The following DGKK variants were observed in gnomAD, a reference collection of about 807,000 sequenced individuals.
The protein encoded by DGKK is diacylglycerol kinase kappa.
DGKK carries 35 observed loss-of-function variants against 92.2 expected under a neutral mutation model. That is an observed-to-expected ratio of 0.38 (90% CI 0.29 to 0.50). DGKK has a LOEUF of 0.50. Among genes scored for constraint, DGKK ranks in the 20% least tolerant of loss-of-function variants. The pLI, the probability that DGKK is intolerant of heterozygous loss-of-function variation, is 0.92. For synonymous variants in DGKK, 368 were observed against 360.6 expected, an observed-to-expected ratio of 1.02 and a Z score of -0.23; for missense variants, 910 against 992.2, an observed-to-expected ratio of 0.92 and a Z score of 1.11.
At chrX:50,399,379 T>G (rs190290503) in intron 8 of DGKK, among the ~76,000 whole-genome samples, 1 of 112,202 alleles carries the variant, frequency 8.9e-6, no homozygotes, top group East Asian at 2.8e-4. Context: ...AACCATCTAC[T>G]CTTCTTTCTT....
chrX:50,438,024 G>T (rs1252197540), intron 1 of DGKK, among the ~76,000 whole-genome samples: 2 of 110,632 alleles, frequency 1.8e-5, no homozygotes, highest in African/African-American at 3.3e-5. Flanking sequence ...CAAAAAAAAA[G>T]CAAAACAGTG....
intron 4 of DGKK, among the ~76,000 whole-genome samples, chrX:50,405,415 A>T: frequency 9.0e-6 from 1 of 111,493 alleles, no homozygotes; most frequent in Middle Eastern, 4.6e-3. Flanking sequence ...GTTCAGACAT[A>T]GGCGTACACA....
At chrX:50,378,796 A>G (rs1924337058) in intron 20 of DGKK, 105 bp from the exon 21 acceptor site, 2 of 589,233 alleles carry the variant, frequency 3.4e-6, no homozygotes, top group East Asian at 3.6e-5. Context: ...TTTCTAGCTC[A>G]TGAAGAGTGG....
intron 1 of DGKK, among the ~76,000 whole-genome samples, chrX:50,448,522 A>G: frequency 1.8e-5 from 2 of 111,512 alleles, no homozygotes; most frequent in East Asian, 5.7e-4. Context: ...ATACATCAGC[A>G]GGGGCAAATC....
chrX:50,427,478 C>T (rs1468619560), intron 1 of DGKK, among the ~76,000 whole-genome samples: 2 of 109,122 alleles, frequency 1.8e-5, no homozygotes, highest in African/African-American at 6.6e-5. Flanking sequence ...TGTACAACAC[C>T]AAGAATGAAC....
At chrX:50,459,262 A>C (rs1926685882) in intron 1 of DGKK, among the ~76,000 whole-genome samples, 1 of 111,303 alleles carries the variant, frequency 9.0e-6, no homozygotes, top group Admixed American at 9.6e-5. Flanking sequence ...CAAGTACCTA[A>C]TTATTGAACA....
intron 16 of DGKK, 53 bp from the exon 17 acceptor site, chrX:50,384,317 C>T: frequency 2.3e-6 from 2 of 871,135 alleles, no homozygotes; most frequent in African/African-American, 2.0e-5. Flanking sequence ...AAAGCCCTTT[C>T]CCCTCACTTG....
intron 17 of DGKK, 67 bp from the exon 18 acceptor site, chrX:50,382,670 G>A: frequency 1.1e-6 from 1 of 894,603 alleles, no homozygotes; most frequent in East Asian, 3.2e-5. Context: ...AATTGGGCAT[G>A]AAGATGAATC....
chrX:50,387,727 G>A, intron 13 of DGKK, 74 bp from the exon 14 acceptor site: 1 of 655,601 alleles, frequency 1.5e-6, no homozygotes, highest in South Asian at 2.7e-5. Context: ...TATGTCATCA[G>A]TCCCCATCCT....
rs782495355 is a variant in DGKK, at chrX:50,374,958, C to A, written c.3501+13G>T. Reference sequence around the variant, plus strand: ...ATACTTTGCCCTCCCAGACTCCAACCCCCTGCACTCACCAGCTTTTCATCC... The same window carrying A: ...ATACTTTGCCCTCCCAGACTCCAACACCCTGCACTCACCAGCTTTTCATCC... On this transcript the variant is annotated intron_variant, in intron 25 of 27. Transcript: ENST00000611977. The A allele has an allele frequency of 8.5e-5, 102 of 1,196,457 alleles. No individual in the cohort carries two copies. The highest frequency in any genetic ancestry group is 1.1e-4 in the Non-Finnish European group (101 of 884,332).
intron 1 of DGKK, among the ~76,000 whole-genome samples, chrX:50,456,018 TGC>T (rs1557232844): frequency 8.9e-6 from 1 of 112,052 alleles, no homozygotes. Context: ...CCTCATATAG[TGC>T]ACAACCTGTA....
rs782756939 is a variant in DGKK at position 50,378,670 on chromosome X, C to T, written c.2884G>A (p.Asp962Asn). Residue 962 changes from aspartate (D) to asparagine (N), a missense_variant, in exon 21 of 28, where the codon GAT (aspartate) becomes AAT (asparagine). Coordinates refer to ENST00000611977, the MANE Select transcript of DGKK (RefSeq NM_001013742.4). ...GCCACCACCTCCAGTTTCCCATCAT[C>T]GATTGCAGGAGCCTCATATTCCTGA... ...ATTEYEAPAI[D>N]DGKLEVVAIF... 15 of 1,203,887 alleles carry T rather than the reference C, an allele frequency of 1.2e-5. No homozygotes were observed. The highest frequency in any genetic ancestry group is 8.8e-5 in the African/African-American group (5 of 57,096).
At position 50,384,220 on chromosome X, in the gene DGKK, C is replaced by A; in HGVS notation, c.2497G>T (p.Glu833Ter). The change falls in exon 17 of 28, where the codon GAG (glutamate) becomes TAG (stop). Residue 833 changes from glutamate (E) to a stop codon, truncating the protein, a stop_gained. Transcript: ENST00000611977. LOFTEE classifies it high-confidence loss of function. ...TCCAAGTTAAGGTTGTCCAGGTCCTCACTTTTGAGAGAAGATATAGAAGAC... is the reference window on the plus strand; with the variant it reads ...TCCAAGTTAAGGTTGTCCAGGTCCTAACTTTTGAGAGAAGATATAGAAGAC... ...TLSSISSLKSEDLDNLNLDHL... is the reference protein window; with the variant it reads ...TLSSISSLKS 8.4e-7 allele frequency: 1 copy of A among 1,184,322 alleles called. No individual in the cohort carries two copies. The highest frequency in any genetic ancestry group is 1.9e-5 in the South Asian group (1 of 53,433).
Position 50,404,118 on chromosome X carries a change from G to A in DGKK, c.1009C>T (p.Arg337Trp), listed in dbSNP as rs1310474261. ...CGACAAACATTGCAGTGCTGGGTCCGGTGGCTGTAACTGGAGTACCAACAA... is the reference window on the plus strand; with the variant it reads ...CGACAAACATTGCAGTGCTGGGTCCAGTGGCTGTAACTGGAGTACCAACAA... ...MHCWYSSYSHRTQHCNVCRES... is the reference protein window; with the variant it reads ...MHCWYSSYSHWTQHCNVCRES... Residue 337 changes from arginine to tryptophan, a missense_variant, in exon 5 of 28, where the codon CGG becomes TGG. Coordinates refer to ENST00000611977, the MANE Select transcript of DGKK (RefSeq NM_001013742.4). 9 of 1,208,297 alleles carry A rather than the reference G, an allele frequency of 7.4e-6. No individual in the cohort carries two copies. Among genetic ancestry groups the A allele is most frequent in the South Asian group, 1.8e-5 (1 of 56,475 alleles).
intron 1 of DGKK, among the ~76,000 whole-genome samples, chrX:50,428,418 A>G (rs1197679522): frequency 7.2e-5 from 8 of 110,777 alleles, no homozygotes; most frequent in African/African-American, 2.3e-4. Flanking sequence ...GTCAACCATG[A>G]CAAGAACAGA....
intron 1 of DGKK, among the ~76,000 whole-genome samples, chrX:50,431,001 T>C (rs1262476359): frequency 9.0e-6 from 1 of 111,160 alleles, no homozygotes; most frequent in African/African-American, 3.3e-5. Flanking sequence ...CTAAAGCTTC[T>C]ACTATCTGCT....
In DGKK at chrX:50,387,549, C is replaced by G. The variant is rs782690117; in HGVS notation, c.2118+5G>C. 8.4e-7 allele frequency: 1 copy of G among 1,189,833 alleles called. No homozygotes were observed. Among genetic ancestry groups the G allele is most frequent in the South Asian group, 1.8e-5 (1 of 55,733 alleles). On this transcript the variant is annotated splice_donor_5th_base_variant and intron_variant, in intron 14 of 27. Coordinates refer to ENST00000611977, the MANE Select transcript of DGKK (RefSeq NM_001013742.4). The stretch of plus-strand genomic sequence containing the variant: ...GAGTATAAGACAAAAGGAATGGGAA[C>G]TTACTTTCAAAATCACAGACACTAT...
chrX:50,384,255 C>A lies in DGKK; in HGVS notation c.2462G>T (p.Arg821Leu). The change falls in exon 17 of 28, where the codon CGT becomes CTT. Residue 821 changes from arginine to leucine, a missense_variant. Arg to Leu is a moderately radical substitution (Grantham distance 102, BLOSUM62 -2). Coordinates refer to ENST00000611977, the MANE Select transcript of DGKK (RefSeq NM_001013742.4). The part of the protein sequence containing the change: ...NQTSPRRRSR[R>L]GTLSSISSLK... ...AGAAGATATAGAAGACAAAGTGCCA[C>A]GACGAGAACCTAGACACAAAAGACA... is the stretch of plus-strand genomic sequence containing the variant. 1 of 1,161,395 alleles carries A rather than the reference C, an allele frequency of 8.6e-7. No individual in the cohort carries two copies. The highest frequency in any genetic ancestry group is 1.2e-6 in the Non-Finnish European group (1 of 864,830).
chrX:50,380,217 G>A (rs1441062948), intron 18 of DGKK, 140 bp from the exon 19 acceptor site: 29 of 479,253 alleles, frequency 6.1e-5, no homozygotes, highest in East Asian at 5.5e-4. Context: ...ACTGGACAGC[G>A]GTTAATGTAA....
Sources: gnomAD v4.1 joint callset for allele counts (sites outside exome capture counted in the v4.1 genomes callset) on GRCh38, gnomAD v4.1.1 for gene constraint, MANE v1.5 for transcripts, NCBI Gene and HGNC (gene_info 2026-07-23, HGNC 2026-07-21) for gene names.